Variants in TSPAN9 observed in about 807,000 individuals in gnomAD.
TSPAN9 encodes the protein tetraspanin 9.
TSPAN9 carries 16 observed loss-of-function variants against 31.0 expected under a neutral mutation model. The ratio of observed to expected loss-of-function variants is 0.52; its 90% CI spans 0.35 to 0.78. TSPAN9 has a LOEUF of 0.78. Ranked by LOEUF, TSPAN9 falls within the 30% of genes least tolerant of loss-of-function variation. The pLI is 0.01. For missense variants in TSPAN9, 272 were observed against 312.5 expected, an observed-to-expected ratio of 0.87 and a Z score of 0.98; for synonymous variants, 145 against 121.6, an observed-to-expected ratio of 1.19 and a Z score of -1.27.
chr12:3,238,970 C>T (rs546729359), intron 3 of TSPAN9, among the ~76,000 whole-genome samples: 2 of 152,146 alleles, frequency 1.3e-5, no homozygotes, highest in African/African-American at 2.4e-5. Context: ...GTCGGGTGGC[C>T]GCCATCTCAG....
chr12:3,120,521 A>G (rs1350594144), intron 2 of TSPAN9, among the ~76,000 whole-genome samples: 1 of 152,080 alleles, frequency 6.6e-6, no homozygotes, highest in Non-Finnish European at 1.5e-5. Flanking sequence ...TGCCCCAAAT[A>G]CACGTCATGT....
intron 3 of TSPAN9, among the ~76,000 whole-genome samples, chr12:3,235,050 C>G (rs929398227): frequency 1.0e-4 from 15 of 148,408 alleles, no homozygotes; most frequent in African/African-American, 3.7e-4. Flanking sequence ...GCCTGTAGTC[C>G]CAGCTACTCG....
intron 3 of TSPAN9, among the ~76,000 whole-genome samples, chr12:3,228,213 G>A (rs564672310): frequency 7.9e-5 from 12 of 152,242 alleles, no homozygotes; most frequent in African/African-American, 2.6e-4. Flanking sequence ...TTAGCCAAAT[G>A]TGGTGGCATG....
intron 2 of TSPAN9, among the ~76,000 whole-genome samples, chr12:3,084,364 T>C (rs2098299370): frequency 6.6e-6 from 1 of 152,138 alleles, no homozygotes; most frequent in Admixed American, 6.5e-5. Flanking sequence ...TTTTTATGTT[T>C]AATTTATGTG....
At chr12:3,261,746 A>G (rs1045670400) in intron 3 of TSPAN9, among the ~76,000 whole-genome samples, 1 of 152,196 alleles carries the variant, frequency 6.6e-6, no homozygotes, top group Non-Finnish European at 1.5e-5. Context: ...ACGAACTGGG[A>G]AAAGAAGCCC....
chr12:3,102,991 T>C (rs915098965), intron 2 of TSPAN9, among the ~76,000 whole-genome samples: 6 of 152,146 alleles, frequency 3.9e-5, no homozygotes, highest in African/African-American at 1.4e-4. Flanking sequence ...CACTTGCTGT[T>C]AGGTGGGAGA....
chr12:3,213,824 C>T (rs887485778), intron 3 of TSPAN9, among the ~76,000 whole-genome samples: 7 of 152,228 alleles, frequency 4.6e-5, no homozygotes, highest in Admixed American at 4.6e-4. Flanking sequence ...ATGGAGACTT[C>T]TCACAACTTG....
intron 2 of TSPAN9, among the ~76,000 whole-genome samples, chr12:3,095,514 C>T (rs1275794500): frequency 6.7e-5 from 7 of 104,690 alleles, no homozygotes; most frequent in Non-Finnish European, 1.5e-4. Flanking sequence ...CCCCCCCCCA[C>T]CTCCCTCCCG....
intron 2 of TSPAN9, among the ~76,000 whole-genome samples, chr12:3,136,280 G>T (rs2098332094): frequency 6.6e-6 from 1 of 152,216 alleles, no homozygotes; most frequent in Non-Finnish European, 1.5e-5. Context: ...CAGCTGAGCG[G>T]GGCCTTGAAT....
At chr12:3,225,230 C>T (rs772001303) in intron 3 of TSPAN9, among the ~76,000 whole-genome samples, 9 of 152,204 alleles carry the variant, frequency 5.9e-5, no homozygotes, top group East Asian at 3.9e-4. Context: ...CGACCCACAG[C>T]GCACAGAGGT....
At chr12:3,174,186 G>C (rs1202196073) in intron 2 of TSPAN9, 1 of 152,338 alleles carries the variant, frequency 6.6e-6, no homozygotes, top group East Asian at 1.9e-4. Flanking sequence ...TCCTGCCTCA[G>C]CCTCCTGAGT....
chr12:3,264,335 C>T (rs950479786), intron 3 of TSPAN9, among the ~76,000 whole-genome samples: 2 of 152,192 alleles, frequency 1.3e-5, no homozygotes, highest in Non-Finnish European at 2.9e-5. Context: ...CCCGCCAGCC[C>T]GCCTCAACCC....
At chr12:3,250,072 GT>G (rs1416732616) in intron 3 of TSPAN9, among the ~76,000 whole-genome samples, 1 of 152,146 alleles carries the variant, frequency 6.6e-6, no homozygotes, top group Non-Finnish European at 1.5e-5. Context: ...GGTGGGTGGG[GT>G]GGGATGTTTC....
chr12:3,179,133 C>G (rs548902705), intron 2 of TSPAN9, among the ~76,000 whole-genome samples: 27 of 152,136 alleles, frequency 1.8e-4, no homozygotes, highest in African/African-American at 6.3e-4. Context: ...CTGCGGGGCC[C>G]GGCCGAGAGG....
chr12:3,165,773 A>T (rs2098348065), intron 2 of TSPAN9, among the ~76,000 whole-genome samples: 2 of 152,152 alleles, frequency 1.3e-5, no homozygotes, highest in African/African-American at 4.8e-5. Flanking sequence ...TTAATTTATG[A>T]TGGCGCCTAG....
chr12:3,229,042 T>G (rs1462391481), intron 3 of TSPAN9, among the ~76,000 whole-genome samples: 2 of 152,220 alleles, frequency 1.3e-5, no homozygotes, highest in Non-Finnish European at 2.9e-5. Flanking sequence ...CAGGATGATC[T>G]CCTTATTTCA....
chr12:3,172,693 C>T lies in TSPAN9; in HGVS notation c.-17-28484C>T, dbSNP rs952772873. On this transcript the variant is annotated intron_variant, in intron 2 of 8. Transcript: ENST00000011898. This position sits in a 1 kb window ranked among gnomAD's most constrained non-coding sequence, Gnocchi z 4.8. ...GGGTGGGCGGTGCGATGGGCCAGTT[C>T]GTTGACCAGCTCTTGTACTAGATCC... 3 of 152,226 alleles carry T rather than the reference C, an allele frequency of 2.0e-5. No individual in the cohort carries two copies. The highest frequency in any genetic ancestry group is 6.5e-5 in the Admixed American group (1 of 15,292). The allele number at this position is 152,226 out of a possible 1,614,324, so 9.4% of individuals were successfully genotyped here. A position where few individuals can be genotyped will look rare whatever the true frequency, so the allele number is the denominator to read the frequency against.
At chr12:3,146,131 T>A (rs1243441996) in intron 2 of TSPAN9, among the ~76,000 whole-genome samples, 1 of 152,220 alleles carries the variant, frequency 6.6e-6, no homozygotes, top group Non-Finnish European at 1.5e-5. Flanking sequence ...AATGAGAAGA[T>A]TGGGCCAGGC....
chr12:3,224,531 G>A (rs1470269695), intron 3 of TSPAN9, among the ~76,000 whole-genome samples: 1 of 152,228 alleles, frequency 6.6e-6, no homozygotes, highest in Non-Finnish European at 1.5e-5. Context: ...ACCCAGGCCT[G>A]GCTCCCGTTC....
Sources: gnomAD v4.1 joint callset for allele counts (sites outside exome capture counted in the v4.1 genomes callset) on GRCh38, gnomAD v4.1.1 for gene constraint, Gnocchi (gnomAD v3.1) non-coding constraint, MANE v1.5 for transcripts, NCBI Gene and HGNC (gene_info 2026-07-23, HGNC 2026-07-21) for gene names.